The following HNRNPR variants were observed in gnomAD, a reference collection of about 807,000 sequenced individuals.
HNRNPR encodes the protein heterogeneous nuclear ribonucleoprotein R.
HNRNPR carries 4 observed loss-of-function variants against 70.3 expected under a neutral mutation model. The ratio of observed to expected loss-of-function variants is 0.06; its 90% CI spans 0.03 to 0.13. HNRNPR has a LOEUF of 0.13. HNRNPR is among the 10% of genes least tolerant of loss of function. The pLI is 1.00. For synonymous variants in HNRNPR, 241 were observed against 267.6 expected, an observed-to-expected ratio of 0.90 and a Z score of 0.97; for missense variants, 423 against 788.5, an observed-to-expected ratio of 0.54 and a Z score of 5.55.
At position 23,318,598 on chromosome 1, in the gene HNRNPR, G is replaced by A; in HGVS notation, c.902C>T (p.Ser301Leu). 2 of 1,614,136 alleles carry A rather than the reference G, an allele frequency of 1.2e-6. No homozygotes were observed. Among genetic ancestry groups the A allele is most frequent in the Non-Finnish European group, 1.7e-6 (2 of 1,180,022 alleles). Residue 301 changes from serine to leucine, a missense_variant, in exon 8 of 11, where the codon TCA becomes TTA. Transcript: ENST00000302271. The surrounding 1 kb of genome is among the most constrained non-coding windows in gnomAD (Gnocchi z 4.2). Reference sequence around the variant, plus strand: ...CAGCCGGCGTCTGGCTTGTGCTGCTGACTTGTGATCCTCATATTCAAGGAA... The same window carrying A: ...CAGCCGGCGTCTGGCTTGTGCTGCTAACTTGTGATCCTCATATTCAAGGAA... ...FCFLEYEDHK[S>L]AAQARRRLMS...
In HNRNPR at chr1:23,318,786, GT is replaced by G; in HGVS notation, c.812-99del. On this transcript the variant is annotated intron_variant, in intron 7 of 10. Transcript: ENST00000302271. This position sits in a 1 kb window ranked among gnomAD's most constrained non-coding sequence, Gnocchi z 4.2. Reference sequence around the variant, plus strand: ...CCACTTGACGATGAGCAAAATATAAGTGAAGCAGCCTCAACATGAGTCACTA... The same window carrying G: ...CCACTTGACGATGAGCAAAATATAAGGAAGCAGCCTCAACATGAGTCACTA... 9.1e-7 allele frequency: 1 copy of G among 1,099,706 alleles called. No homozygotes were observed. Among genetic ancestry groups the G allele is most frequent in the Non-Finnish European group, 1.3e-6 (1 of 750,044 alleles). The allele number at this position is 1,099,706 out of a possible 1,614,324, so 68.1% of individuals were successfully genotyped here. A position where few individuals can be genotyped will look rare whatever the true frequency, so the allele number is the denominator to read the frequency against.
At chr1:23,332,127 A>G (rs547409328) in intron 5 of HNRNPR, among the ~76,000 whole-genome samples, 1 of 151,932 alleles carries the variant, frequency 6.6e-6, no homozygotes, top group African/African-American at 2.4e-5. Context: ...GCGAGACTGA[A>G]TGGAGAGAGG....
chr1:23,329,185 T>C (rs557518143), intron 5 of HNRNPR, among the ~76,000 whole-genome samples: 69 of 152,130 alleles, frequency 4.5e-4, no homozygotes, highest in African/African-American at 1.5e-3. Flanking sequence ...AATACTATAG[T>C]CACGTGAGTC....
intron 8 of HNRNPR, 53 bp from the exon 9 acceptor site, chr1:23,313,755 A>G: frequency 2.6e-6 from 4 of 1,568,120 alleles, no homozygotes; most frequent in Non-Finnish European, 3.4e-6. Flanking sequence ...TTTTACCTGA[A>G]AAGTGTTTCT....
At chr1:23,326,041 C>T (rs570561766) in intron 5 of HNRNPR, among the ~76,000 whole-genome samples, 75 of 152,072 alleles carry the variant, frequency 4.9e-4, no homozygotes, top group Non-Finnish European at 9.4e-4. Context: ...CTGGGGGTGG[C>T]GGTTGGGGGA....
In HNRNPR at chr1:23,321,618, T is replaced by C; in HGVS notation, c.721A>G (p.Ile241Val). 1.2e-6 allele frequency: 2 copies of C among 1,614,000 alleles called. No homozygotes were observed. The highest frequency in any genetic ancestry group is 1.7e-6 in the Non-Finnish European group (2 of 1,179,916). The change falls in exon 7 of 11, where the codon ATT becomes GTT. Residue 241 changes from isoleucine to valine, a missense_variant. By Grantham distance (29) the Ile-to-Val change is conservative (BLOSUM62 3). Transcript: ENST00000302271. Reference sequence around the variant, plus strand: ...AAAAGTCTGTTGTTTGCCACAGAAATGCACACTCCAAGGTGTTTACCAGGG... The same window carrying C: ...AAAAGTCTGTTGTTTGCCACAGAAACGCACACTCCAAGGTGTTTACCAGGG... ...IRPGKHLGVC[I>V]SVANNRLFVG...
Position 23,318,475 on chromosome 1 carries a change from G to A in HNRNPR, c.1017+8C>T, listed in dbSNP as rs1196152575. ...GACCCTATGCCCATTCCAAGCAACTGTATTTACCTTAGCCATGACTTCTGG... is the reference window on the plus strand; with the variant it reads ...GACCCTATGCCCATTCCAAGCAACTATATTTACCTTAGCCATGACTTCTGG... On this transcript the variant is annotated splice_region_variant and intron_variant, in intron 8 of 10. Coordinates refer to ENST00000302271, the MANE Select transcript of HNRNPR (RefSeq NM_005826.5). The surrounding 1 kb of genome is among the most constrained non-coding windows in gnomAD (Gnocchi z 4.2). The A allele has an allele frequency of 1.2e-6, 2 of 1,609,924 alleles. No homozygotes were observed. The highest frequency in any genetic ancestry group is 1.7e-6 in the Non-Finnish European group (2 of 1,176,206).
In HNRNPR at chr1:23,305,332, C is replaced by G. The variant is rs1374301124; in HGVS notation, c.*5122G>C. Reference sequence around the variant, plus strand: ...GCATAAAATGTTACCTTAACACAACCCTGCAATCACTACAATTCTTAAAAG... The same window carrying G: ...GCATAAAATGTTACCTTAACACAACGCTGCAATCACTACAATTCTTAAAAG... On this transcript the variant is annotated 3_prime_UTR_variant, in exon 11 of 11. Coordinates refer to ENST00000302271, the MANE Select transcript of HNRNPR (RefSeq NM_005826.5). The G allele has an allele frequency of 1.3e-5, 2 of 152,236 alleles. No homozygotes were observed. The highest frequency in any genetic ancestry group is 4.8e-5 in the African/African-American group (2 of 41,546). 9.4% of individuals were successfully genotyped at this position (152,236 alleles called of 1,614,324 possible).
intron 5 of HNRNPR, among the ~76,000 whole-genome samples, chr1:23,330,485 A>T (rs1198275693): frequency 6.6e-6 from 1 of 152,136 alleles, no homozygotes; most frequent in Admixed American, 6.6e-5. Context: ...CAGTGAGCCG[A>T]GATCGTGCCA....
chr1:23,335,856 G>A lies in HNRNPR; in HGVS notation c.384+1898C>T, dbSNP rs376099565. On this transcript the variant is annotated intron_variant, in intron 4 of 10. Coordinates refer to ENST00000302271, the MANE Select transcript of HNRNPR (RefSeq NM_005826.5). Reference sequence around the variant, plus strand: ...ATCACAGCCGGGCGCGGTGGCTCACGCCTGTAATCCCAGCACTTTGGGAGG... The same window carrying A: ...ATCACAGCCGGGCGCGGTGGCTCACACCTGTAATCCCAGCACTTTGGGAGG... Among the ~76,000 whole-genome samples, 105 of 151,450 alleles carry A rather than the reference G, an allele frequency of 6.9e-4. No homozygotes were observed. In the East Asian group the frequency reaches 9.5e-3, roughly 14 times the overall value.
At chr1:23,338,233 T>C (rs561711429) in intron 3 of HNRNPR, 34 of 334,970 alleles carry the variant, frequency 1.0e-4, no homozygotes, top group African/African-American at 7.0e-4. Flanking sequence ...TAAAAACCTA[T>C]AGTAACAACC....
At chr1:23,325,669 T>A (rs1645943704) in intron 5 of HNRNPR, among the ~76,000 whole-genome samples, 2 of 152,134 alleles carry the variant, frequency 1.3e-5, no homozygotes. Flanking sequence ...TTAGCCACAA[T>A]AAATAAGCCC....
At chr1:23,339,627 C>T (rs1646636294) in intron 2 of HNRNPR, among the ~76,000 whole-genome samples, 1 of 152,230 alleles carries the variant, frequency 6.6e-6, no homozygotes, top group Middle Eastern at 3.4e-3. Flanking sequence ...CTAAAAAGAA[C>T]TTTATTCCAT....
intron 2 of HNRNPR, among the ~76,000 whole-genome samples, chr1:23,339,662 T>G (rs1335913319): frequency 6.6e-6 from 1 of 152,162 alleles, no homozygotes; most frequent in Admixed American, 6.5e-5. Context: ...ATAAATGTAA[T>G]GCCACTTCCA....
chr1:23,330,716 T>C (rs1294456420), intron 5 of HNRNPR, among the ~76,000 whole-genome samples: 1 of 152,186 alleles, frequency 6.6e-6, no homozygotes, highest in Non-Finnish European at 1.5e-5. Flanking sequence ...TTAGCAACAA[T>C]GTCTGTTAAT....
chr1:23,311,242 C>T lies in HNRNPR; in HGVS notation c.1248G>A (p.Arg416=), dbSNP rs1319405840. Reference sequence around the variant, plus strand: ...CCTGTCTAGCAGCTTGGCGCTCTTTCCTTTTCTTGTCTGGTGGCTTGGCTA... The same window carrying T: ...CCTGTCTAGCAGCTTGGCGCTCTTTTCTTTTCTTGTCTGGTGGCTTGGCTA... The part of the protein sequence containing the change: ...IVLAKPPDKK[R]KERQAARQAS... The change falls in exon 10 of 11, where the codon AGG becomes AGA. Residue 416 remains arginine, a synonymous_variant. Transcript: ENST00000302271. 6.2e-7 allele frequency: 1 copy of T among 1,613,712 alleles called. No individual in the cohort carries two copies.
intron 5 of HNRNPR, among the ~76,000 whole-genome samples, chr1:23,324,722 T>G (rs1295939024): frequency 2.6e-5 from 4 of 152,172 alleles, no homozygotes; most frequent in Admixed American, 2.0e-4. Context: ...GATCTTTAAT[T>G]ACAAAATTAT....
At chr1:23,341,583 C>G (rs183592750) in intron 1 of HNRNPR, among the ~76,000 whole-genome samples, 1 of 152,038 alleles carries the variant, frequency 6.6e-6, no homozygotes, top group South Asian at 2.1e-4. Flanking sequence ...AAAAAACCAA[C>G]TTGACATTAA....
intron 4 of HNRNPR, among the ~76,000 whole-genome samples, chr1:23,336,782 A>G (rs949674724): frequency 4.0e-5 from 6 of 151,356 alleles, no homozygotes; most frequent in African/African-American, 7.3e-5. Context: ...AAAAAAAAAA[A>G]AAAGAAAAGT....
Sources: allele counts gnomAD v4.1 joint callset (sites outside exome capture counted in the v4.1 genomes callset), GRCh38; gene constraint gnomAD v4.1.1; non-coding constraint Gnocchi (gnomAD v3.1); transcripts MANE v1.5; gene names NCBI Gene and HGNC (gene_info 2026-07-23, HGNC 2026-07-21).